The following CCDC171 variants were observed in gnomAD, a reference collection of about 807,000 sequenced individuals.
The protein encoded by CCDC171 is coiled-coil domain containing 171.
CCDC171 carries 177 observed loss-of-function variants against 168.2 expected under a neutral mutation model. The observed-to-expected ratio is 1.05, with a 90% CI of 0.93 to 1.19. The LOEUF (loss-of-function observed/expected upper bound fraction) is 1.19, where lower values mean the gene tolerates loss of function less well. CCDC171 is among the 50% of genes most tolerant of loss of function. The pLI, the probability that CCDC171 is intolerant of heterozygous loss-of-function variation, is 0.00. For synonymous variants in CCDC171, 687 were observed against 540.8 expected (o/e 1.27, Z -3.75); for missense variants, 1,991 against 1,539.0 (o/e 1.29, Z -4.91).
intron 21 of CCDC171, among the ~76,000 whole-genome samples, chr9:15,796,448 A>G (rs1462310374): frequency 2.0e-5 from 3 of 152,248 alleles, no homozygotes; most frequent in Non-Finnish European, 4.4e-5. Flanking sequence ...CTTTAAAGTT[A>G]TGGGAGAAAA....
intron 21 of CCDC171, among the ~76,000 whole-genome samples, chr9:15,827,731 C>G (rs1195237855): frequency 1.3e-5 from 2 of 152,006 alleles, no homozygotes. Flanking sequence ...TGAGGGTGCC[C>G]TAGATTATGT....
chr9:15,569,525 C>T (rs1369622201), intron 2 of CCDC171, among the ~76,000 whole-genome samples: 1 of 152,112 alleles, frequency 6.6e-6, no homozygotes, highest in Non-Finnish European at 1.5e-5. Context: ...AAAAAATTTT[C>T]TATTTTTCGG....
intron 3 of CCDC171, among the ~76,000 whole-genome samples, chr9:15,573,715 G>A (rs895215828): frequency 2.0e-5 from 3 of 152,054 alleles, no homozygotes; most frequent in African/African-American, 4.8e-5. Flanking sequence ...AAAACCAAAT[G>A]CACATTTTAC....
At chr9:15,582,243 A>G (rs1037665814) in intron 4 of CCDC171, among the ~76,000 whole-genome samples, 1 of 152,262 alleles carries the variant, frequency 6.6e-6, no homozygotes, top group Non-Finnish European at 1.5e-5. Flanking sequence ...ATCTCACACC[A>G]GTTAGAATGG....
intron 11 of CCDC171, among the ~76,000 whole-genome samples, chr9:15,705,095 C>CAG (rs1282993980): frequency 2.0e-5 from 3 of 149,896 alleles, no homozygotes; most frequent in Admixed American, 1.3e-4. Context: ...CCTTACGACA[C>CAG]ACACACACAC....
chr9:15,793,537 G>A (rs1012944129), intron 21 of CCDC171, among the ~76,000 whole-genome samples: 41 of 133,694 alleles, frequency 3.1e-4, no homozygotes, highest in South Asian at 5.1e-4. Context: ...GCACCACATC[G>A]CACTTATTCC....
At chr9:15,699,306 G>C (rs916053447) in intron 11 of CCDC171, among the ~76,000 whole-genome samples, 1 of 152,136 alleles carries the variant, frequency 6.6e-6, no homozygotes, top group Non-Finnish European at 1.5e-5. Context: ...TGAAGCTGCA[G>C]ACCTTCGCGG....
intron 21 of CCDC171, among the ~76,000 whole-genome samples, chr9:15,843,724 C>T (rs570206506): frequency 1.7e-4 from 26 of 152,182 alleles, no homozygotes; most frequent in Non-Finnish European, 3.2e-4. Context: ...ATTAGGGTGA[C>T]CGTGTTAACC....
intron 24 of CCDC171, chr9:15,885,397 G>A (rs1016775019): frequency 1.3e-5 from 2 of 151,968 alleles, no homozygotes; most frequent in African/African-American, 2.4e-5. Flanking sequence ...TCATTTTAAG[G>A]CCACTTTTTA....
At chr9:15,709,167 A>C (rs1486560096) in intron 11 of CCDC171, among the ~76,000 whole-genome samples, 1 of 152,198 alleles carries the variant, frequency 6.6e-6, no homozygotes, top group Non-Finnish European at 1.5e-5. Flanking sequence ...TGGGATTAAT[A>C]AGGAAAGAAT....
rs550739790 is a variant in CCDC171, at chr9:15,694,594, G to T, written c.1216-641G>T. ...CCAGTTCATCTAACTTAAATCTTGGGATCAGTCTCAACTCTTCTTTTTCTG... is the reference window on the plus strand; with the variant it reads ...CCAGTTCATCTAACTTAAATCTTGGTATCAGTCTCAACTCTTCTTTTTCTG... On this transcript the variant is annotated intron_variant, in intron 10 of 25. Transcript: ENST00000380701. 1.3e-3 allele frequency among the ~76,000 whole-genome samples: 199 copies of T among 152,232 alleles called. 1 individual carries two copies. The highest frequency in any genetic ancestry group is 4.7e-3 in the African/African-American group (195 of 41,556).
rs866531091 is a variant in CCDC171 at position 15,639,980 on chromosome 9, C to G, written c.822+16567C>G. The stretch of plus-strand genomic sequence containing the variant: ...GGAAATGCTTATAGATGTGTCAGGA[C>G]TCGTTTTGGCCTTTGGGCCAAGGAC... On this transcript the variant is annotated intron_variant, in intron 7 of 25. Transcript: ENST00000380701. Among the ~76,000 whole-genome samples, 8 of 152,264 alleles carry G rather than the reference C, an allele frequency of 5.3e-5. No homozygotes were observed. In the South Asian group the frequency reaches 1.2e-3, roughly 24 times the overall value.
chr9:15,906,139 T>C (rs1822566648), intron 24 of CCDC171, among the ~76,000 whole-genome samples: 2 of 152,068 alleles, frequency 1.3e-5, no homozygotes, highest in South Asian at 2.1e-4. Flanking sequence ...TTCCAATCAA[T>C]AGAAAAAGAG....
At chr9:15,958,864 G>A (rs75856809) in intron 25 of CCDC171, among the ~76,000 whole-genome samples, 2,806 of 152,142 alleles carry the variant, frequency 0.018, 35 homozygotes, top group Non-Finnish European at 0.027. Context: ...TTAGTATACC[G>A]AAATCACATG....
chr9:16,107,104 T>A, the CCDC171 span, among the ~76,000 whole-genome samples: 1 of 152,204 alleles, frequency 6.6e-6, no homozygotes, highest in Admixed American at 6.5e-5. Context: ...TTTCTGATTG[T>A]CACCCCTAAA....
intron 3 of CCDC171, among the ~76,000 whole-genome samples, chr9:15,999,997 G>T: frequency 6.6e-6 from 1 of 152,146 alleles, no homozygotes; most frequent in African/African-American, 2.4e-5. Flanking sequence ...AGGTAGCCAG[G>T]AGCTGTAACT....
chr9:15,797,376 C>A (rs1345849103), intron 21 of CCDC171, among the ~76,000 whole-genome samples: 1 of 151,966 alleles, frequency 6.6e-6, no homozygotes, highest in African/African-American at 2.4e-5. Flanking sequence ...GCCACCATGC[C>A]AGCTAGTTTT....
chr9:15,815,944 CT>C lies in CCDC171; in HGVS notation c.3268-30753del, dbSNP rs1202490010. Among the ~76,000 whole-genome samples the C allele has an allele frequency of 1.7e-5, 2 of 117,036 alleles. 1 individual carries two copies. Among genetic ancestry groups the C allele is most frequent in the East Asian group, 4.3e-4 (2 of 4,672 alleles). The allele number at this position is 117,036 out of a possible 152,430, so 76.8% of individuals were successfully genotyped here. On this transcript the variant is annotated intron_variant, in intron 21 of 25. Coordinates refer to ENST00000380701, the MANE Select transcript of CCDC171 (RefSeq NM_173550.4). The stretch of plus-strand genomic sequence containing the variant: ...TAAGAAAACAATAGCTCTCAGACCA[CT>C]TTTTAAAAATAATAATTTTAGCAGA...
chr9:15,582,763 C>T (rs1226810319), intron 4 of CCDC171, among the ~76,000 whole-genome samples: 1 of 151,610 alleles, frequency 6.6e-6, no homozygotes, highest in Non-Finnish European at 1.5e-5. Context: ...AGGGGAACAT[C>T]ACACACTGGG....
Sources: allele counts gnomAD v4.1 joint callset (sites outside exome capture counted in the v4.1 genomes callset), GRCh38; gene constraint gnomAD v4.1.1; transcripts MANE v1.5; gene names NCBI Gene and HGNC (gene_info 2026-07-23, HGNC 2026-07-21).